The following CARD8 variants were observed in gnomAD, a reference collection of about 807,000 sequenced individuals.
CARD8 encodes caspase recruitment domain-containing protein 8.
CARD8 carries 38 observed loss-of-function variants against 53.2 expected under a neutral mutation model. The observed-to-expected ratio is 0.71, with a 90% CI of 0.55 to 0.94. The LOEUF is 0.94. CARD8 is among the 40% of genes least tolerant of loss of function. CARD8 has a pLI of 0.00. For synonymous variants in CARD8, 245 were observed against 244.9 expected, an observed-to-expected ratio of 1.00 and a Z score of 0.00; for missense variants, 561 against 655.5, an observed-to-expected ratio of 0.86 and a Z score of 1.57.
chr19:48,218,643 C>T (rs1053843241), intron 12 of CARD8, among the ~76,000 whole-genome samples: 4 of 152,088 alleles, frequency 2.6e-5, no homozygotes, highest in South Asian at 4.2e-4. Flanking sequence ...CATGAGGCAC[C>T]GTATCTGGCC....
At chr19:48,203,907 C>A, downstream of CARD8, 1 of 290,652 alleles carries the variant, frequency 3.4e-6, no homozygotes, top group South Asian at 2.6e-5. Context: ...AGCTACAACT[C>A]CCAGCCGGCT....
In CARD8 at chr19:48,221,829, G is replaced by C. The variant is rs758963965; in HGVS notation, c.1062C>G (p.Phe354Leu). 8 of 1,606,264 alleles carry C rather than the reference G, an allele frequency of 5.0e-6. No individual in the cohort carries two copies. The Admixed American group carries it at 1.3e-4, about 27-fold the overall frequency. ...GCGAAGTCTGCAGGCGCACACCATGGAAGCGATCTTCCTCATCATCTATCG... is the reference window on the plus strand; with the variant it reads ...GCGAAGTCTGCAGGCGCACACCATGCAAGCGATCTTCCTCATCATCTATCG... ...TKAIDDEEDR[F>L]HGVRLQTSPP... Residue 354 changes from phenylalanine (F) to leucine (L), a missense_variant, in exon 11 of 14, where the codon TTC becomes TTG. Physicochemically the swap from Phe to Leu is conservative, Grantham distance 22. Coordinates refer to ENST00000651546, the MANE Select transcript of CARD8 (RefSeq NM_001184900.3).
At chr19:48,227,802 CAAAA>C (rs35853514) in intron 10 of CARD8, among the ~76,000 whole-genome samples, 4 of 130,458 alleles carry the variant, frequency 3.1e-5, no homozygotes, top group Admixed American at 7.7e-5. Context: ...GACTCCATCA[CAAAA>C]AAAAAAAAAA....
chr19:48,248,113 A>T (rs1298958686), intron 3 of CARD8, among the ~76,000 whole-genome samples: 1 of 152,236 alleles, frequency 6.6e-6, no homozygotes, highest in Non-Finnish European at 1.5e-5. Context: ...CATCTTCACA[A>T]GAAAAAAATG....
chr19:48,207,750 T>G (rs2037456584), downstream of CARD8, among the ~76,000 whole-genome samples: 1 of 145,112 alleles, frequency 6.9e-6, no homozygotes, highest in African/African-American at 2.6e-5. Context: ...TTTTTTTTTT[T>G]TTTGAGACAG....
rs532121024 is a variant in CARD8, at chr19:48,212,000, C to CT, written c.1349-26dup. ...CCTGGATGAAAGGGGGAGTTTCAGA[C>CT]TTTGAGAATCGTTCACTTACAGGAT... On this transcript the variant is annotated intron_variant, in intron 13 of 13. Coordinates refer to ENST00000651546, the MANE Select transcript of CARD8 (RefSeq NM_001184900.3). 8.4e-4 allele frequency: 1,350 copies of CT among 1,605,686 alleles called. 6 individuals carry two copies. Among genetic ancestry groups the CT allele is most frequent in the Middle Eastern group, 3.3e-4 (2 of 5,984 alleles).
Position 48,230,855 on chromosome 19 carries a change from C to T in CARD8, c.694G>A (p.Gly232Ser), listed in dbSNP as rs370395701. 3.2e-5 allele frequency: 51 copies of T among 1,614,136 alleles called. No homozygotes were observed. The South Asian group carries it at 3.3e-4, about 10-fold the overall frequency. The change falls in exon 9 of 14, where the codon GGC (glycine) becomes AGC (serine). Residue 232 changes from glycine (G) to serine (S), a missense_variant. Gly to Ser is a moderately conservative substitution (Grantham distance 56). Coordinates refer to ENST00000651546, the MANE Select transcript of CARD8 (RefSeq NM_001184900.3). ...LQHHEQWLVG[G>S]PLFDVTAEPE... ...TCTGCAGTGACATCAAACAAGGGGC[C>T]GCCCACCAGCCACTGTTCATGGTGC...
intron 1 of CARD8, among the ~76,000 whole-genome samples, chr19:48,254,259 T>C (rs1041488728): frequency 6.6e-6 from 1 of 152,094 alleles, no homozygotes; most frequent in African/African-American, 2.4e-5. Flanking sequence ...ACTAACTAAG[T>C]AATCAATAAT....
At chr19:48,219,420 T>C (rs919504630) in intron 11 of CARD8, among the ~76,000 whole-genome samples, 5 of 152,020 alleles carry the variant, frequency 3.3e-5, no homozygotes, top group Non-Finnish European at 5.9e-5. Context: ...AGATAAGCCA[T>C]TTCAGGTCCC....
Position 48,234,555 on chromosome 19 carries a change from C to G in CARD8, c.210-12G>C, listed in dbSNP as rs12461019. ...GCTCCCTGTATACCCTGGAAAACAA[C>G]AACAGAATTTTTACTATGAATATAA... On this transcript the variant is annotated splice_polypyrimidine_tract_variant and intron_variant, in intron 5 of 13. Coordinates refer to ENST00000651546, the MANE Select transcript of CARD8 (RefSeq NM_001184900.3). 8.9e-3 allele frequency: 14,325 copies of G among 1,609,388 alleles called. 718 individuals are homozygous for G. The African/African-American group carries it at 0.13, about 15-fold the overall frequency.
intron 3 of CARD8, among the ~76,000 whole-genome samples, chr19:48,242,272 G>A (rs1032718898): frequency 6.6e-6 from 1 of 152,170 alleles, no homozygotes; most frequent in Non-Finnish European, 1.5e-5. Context: ...TACCGTGGGA[G>A]GGCGCAGCAA....
Position 48,252,808 on chromosome 19 carries a change from T to TATACACAC in CARD8, c.-251-2962_-251-2961insGTGTGTAT, listed in dbSNP as rs113740488. ...CCACCGCACTGGCCTTATCAGTATA[T>TATACACAC]ACACACACACACACACACACACACA... On this transcript the variant is annotated intron_variant, in intron 1 of 13. Coordinates refer to ENST00000651546, the MANE Select transcript of CARD8 (RefSeq NM_001184900.3). 8.6e-4 allele frequency among the ~76,000 whole-genome samples: 127 copies of TATACACAC among 148,298 alleles called. 2 individuals are homozygous for TATACACAC. The highest frequency in any genetic ancestry group is 4.3e-3 in the South Asian group (20 of 4,660).
At chr19:48,206,915 TTTCCTGGC>T (rs2037369376), downstream of CARD8, among the ~76,000 whole-genome samples, 1 of 152,126 alleles carries the variant, frequency 6.6e-6, no homozygotes, top group Non-Finnish European at 1.5e-5. Context: ...GTGTGGAGGC[TTTCCTGGC>T]TCCTAAAGTT....
At chr19:48,220,961 G>GGAAGGAAGGAAGGAAGGAAT (rs2040426122) in intron 11 of CARD8, among the ~76,000 whole-genome samples, 126 of 73,916 alleles carry the variant, frequency 1.7e-3, no homozygotes, top group African/African-American at 6.9e-3. Context: ...AGGAAAGGAA[G>GGAAGGAAGGAAGGAAGGAAT]GAAGGAAGGA....
intron 11 of CARD8, among the ~76,000 whole-genome samples, chr19:48,221,273 A>C (rs913263809): frequency 4.6e-5 from 7 of 152,254 alleles, no homozygotes; most frequent in African/African-American, 1.7e-4. Flanking sequence ...ATTTCGCTAC[A>C]TGGCATATCA....
intron 3 of CARD8, 38 bp from the exon 4 acceptor site, chr19:48,241,101 G>C (rs1018105351): frequency 9.1e-7 from 1 of 1,102,016 alleles, no homozygotes; most frequent in African/African-American, 1.6e-5. Context: ...AGGTACTTGG[G>C]AAGAACCATC....
intron 4 of CARD8, among the ~76,000 whole-genome samples, chr19:48,238,813 T>A (rs1237568323): frequency 1.3e-5 from 2 of 152,214 alleles, no homozygotes; most frequent in African/African-American, 4.8e-5. Flanking sequence ...AGAGATGTCT[T>A]AGAGATGCCC....
Position 48,211,985 on chromosome 19 carries a change from A to AG in CARD8, c.1349-11dup, listed in dbSNP as rs754980203. 1.9e-6 allele frequency: 3 copies of AG among 1,611,306 alleles called. No individual in the cohort carries two copies. Among genetic ancestry groups the AG allele is most frequent in the Non-Finnish European group, 2.5e-6 (3 of 1,178,348 alleles). ...TTCACAAAGGCTGCACCTGGATGAA[A>AG]GGGGGAGTTTCAGACTTTGAGAATC... is the stretch of plus-strand genomic sequence containing the variant. On this transcript the variant is annotated splice_polypyrimidine_tract_variant and intron_variant, in intron 13 of 13. Transcript: ENST00000651546.
chr19:48,228,637 T>C (rs958414006), intron 10 of CARD8, among the ~76,000 whole-genome samples: 4 of 151,650 alleles, frequency 2.6e-5, no homozygotes, highest in Middle Eastern at 3.4e-3. Context: ...AAGGGAAAAA[T>C]TGGAAGTATG....
Sources: gnomAD v4.1 joint callset for allele counts (sites outside exome capture counted in the v4.1 genomes callset) on GRCh38, gnomAD v4.1.1 for gene constraint, MANE v1.5 for transcripts, NCBI Gene and HGNC (gene_info 2026-07-23, HGNC 2026-07-21) for gene names.